FUT8: variants seen among roughly 807,000 people sequenced by gnomAD.
FUT8 encodes the protein alpha-(1,6)-fucosyltransferase.
In FUT8, 29 loss-of-function variants were observed where a neutral mutation model predicts 71.3. The ratio of observed to expected loss-of-function variants is 0.41; its 90% CI spans 0.30 to 0.55. The LOEUF is 0.55. Ranked by LOEUF, FUT8 falls within the 20% of genes least tolerant of loss-of-function variation. The pLI is 0.34. For synonymous variants in FUT8, 254 were observed against 239.3 expected (o/e 1.06, Z -0.57); for missense variants, 544 against 702.1 (o/e 0.77, Z 2.55).
intron 6 of FUT8, among the ~76,000 whole-genome samples, chr14:65,644,440 A>G (rs1017518798): frequency 2.0e-5 from 3 of 151,880 alleles, no homozygotes; most frequent in African/African-American, 7.2e-5. Flanking sequence ...ACAGGCGCCC[A>G]CCACCGCCTC....
chr14:65,535,219 C>T (rs1002268975), intron 2 of FUT8, among the ~76,000 whole-genome samples: 11 of 151,974 alleles, frequency 7.2e-5, no homozygotes, highest in African/African-American at 9.7e-5. Flanking sequence ...CATGCCTCAG[C>T]GTCATGAGTA....
At chr14:65,465,119 T>C (rs2066023841) in intron 2 of FUT8, among the ~76,000 whole-genome samples, 2 of 152,216 alleles carry the variant, frequency 1.3e-5, no homozygotes, top group African/African-American at 2.4e-5. Context: ...TAGAACCAGC[T>C]TTGAGTCTTG....
At chr14:65,362,356 C>G in the FUT8 span, among the ~76,000 whole-genome samples, 14 of 152,246 alleles carry the variant, frequency 9.2e-5, no homozygotes, top group East Asian at 2.1e-3. Flanking sequence ...AATTGATGAG[C>G]TGAGAATTAA....
chr14:65,417,241 GT>G (rs1468578184), intron 1 of FUT8, among the ~76,000 whole-genome samples: 2 of 152,092 alleles, frequency 1.3e-5, no homozygotes, highest in Non-Finnish European at 2.9e-5. Context: ...ATGCTTGGTT[GT>G]AAGATTTTTA....
intron 2 of FUT8, among the ~76,000 whole-genome samples, chr14:65,487,458 G>A (rs2066424907): frequency 1.3e-5 from 2 of 151,530 alleles, no homozygotes; most frequent in Non-Finnish European, 2.9e-5. Flanking sequence ...AGCTACTCGG[G>A]AGGCTGAGGC....
At chr14:65,431,494 G>GC (rs2065474528) in intron 1 of FUT8, among the ~76,000 whole-genome samples, 1 of 151,162 alleles carries the variant, frequency 6.6e-6, no homozygotes, top group African/African-American at 2.4e-5. Flanking sequence ...TATTTTTTTT[G>GC]TAGAGGCTGG....
At chr14:65,481,833 A>G (rs1364883715) in intron 2 of FUT8, among the ~76,000 whole-genome samples, 1 of 151,952 alleles carries the variant, frequency 6.6e-6, no homozygotes, top group Non-Finnish European at 1.5e-5. Context: ...TTGTTTTCTT[A>G]TTATTGAGTT....
the FUT8 span, among the ~76,000 whole-genome samples, chr14:65,383,203 G>A: frequency 6.7e-6 from 1 of 150,302 alleles, no homozygotes; most frequent in East Asian, 1.9e-4. Flanking sequence ...GATCTTTCTG[G>A]AACACAGTTC....
intron 1 of FUT8, among the ~76,000 whole-genome samples, chr14:65,443,537 T>G (rs1005532384): frequency 4.0e-5 from 6 of 151,458 alleles, no homozygotes; most frequent in African/African-American, 1.5e-4. Context: ...CTGGGCAACA[T>G]AGCAAGATCC....
intron 1 of FUT8, among the ~76,000 whole-genome samples, chr14:65,445,928 AG>A (rs1219599495): frequency 6.6e-6 from 1 of 152,248 alleles, no homozygotes; most frequent in Non-Finnish European, 1.5e-5. Context: ...GTGCCCAGCT[AG>A]AAAACCTTTC....
intron 7 of FUT8, among the ~76,000 whole-genome samples, chr14:65,710,806 T>C (rs1433239826): frequency 1.3e-5 from 2 of 152,206 alleles, no homozygotes; most frequent in African/African-American, 4.8e-5. Context: ...AAAAGATTTA[T>C]TTGGCTCATG....
chr14:65,712,399 C>A (rs1425850195), intron 7 of FUT8, among the ~76,000 whole-genome samples: 1 of 152,162 alleles, frequency 6.6e-6, no homozygotes, highest in African/African-American at 2.4e-5. Context: ...AATACACATT[C>A]TATTATCATA....
intron 2 of FUT8, among the ~76,000 whole-genome samples, chr14:65,464,778 T>C (rs763276799): frequency 4.6e-5 from 7 of 152,294 alleles, no homozygotes; most frequent in South Asian, 2.1e-4. Flanking sequence ...ATGAAAGATA[T>C]TGTTCTGTAA....
At chr14:65,445,412 C>G (rs945591621) in intron 1 of FUT8, among the ~76,000 whole-genome samples, 1 of 152,128 alleles carries the variant, frequency 6.6e-6, no homozygotes, top group East Asian at 1.9e-4. Context: ...AAATTACCCT[C>G]TCTCAGGTAT....
At chr14:65,707,358 T>C (rs1188400143) in intron 7 of FUT8, among the ~76,000 whole-genome samples, 1 of 152,230 alleles carries the variant, frequency 6.6e-6, no homozygotes, top group Admixed American at 6.5e-5. Flanking sequence ...TTATTTGCTT[T>C]CTTGCTATTG....
upstream of FUT8, chr14:65,411,956 T>A (rs989073905): frequency 1.8e-5 from 8 of 451,890 alleles, no homozygotes; most frequent in Non-Finnish European, 3.1e-5. Context: ...TCCACTGCTC[T>A]GCATCGCGGG....
chr14:65,722,021 G>A lies in FUT8; in HGVS notation c.1082G>A (p.Gly361Glu). 1.2e-6 allele frequency: 2 copies of A among 1,613,338 alleles called. No individual in the cohort carries two copies. Among genetic ancestry groups the A allele is most frequent in the Non-Finnish European group, 1.7e-6 (2 of 1,179,886 alleles). The change falls in exon 8 of 11, where the codon GGA (glycine) becomes GAA (glutamate). Residue 361 changes from glycine to glutamate, a missense_variant and splice_region_variant. Gly to Glu is a moderately conservative substitution (Grantham distance 98, BLOSUM62 -2). Coordinates refer to ENST00000673929, the MANE Select transcript of FUT8 (RefSeq NM_001371533.1). ...KKLGFKHPVI[G>E]VHVRRTDKVG... The stretch of plus-strand genomic sequence containing the variant: ...CTTGGCTTCAAACATCCAGTTATTG[G>A]GTAAGAATCTGATTTTTTCCCTCAA...
At chr14:65,531,723 C>T (rs1372935596) in intron 2 of FUT8, among the ~76,000 whole-genome samples, 2 of 152,224 alleles carry the variant, frequency 1.3e-5, no homozygotes, top group African/African-American at 4.8e-5. Flanking sequence ...CACCCAGGTA[C>T]TAAGCCTAGT....
rs75242134 is a variant in FUT8, at chr14:65,633,991, C to T, written c.597+4385C>T. On this transcript the variant is annotated intron_variant, in intron 6 of 10. Transcript: ENST00000673929. ...GCCGCCCCATCCGGGAGGTGAGGGG[C>T]GCCTCTGCCCGGCCACCGCTACTGG... Among the ~76,000 whole-genome samples the T allele has an allele frequency of 1.3e-4, 20 of 152,084 alleles. 1 individual carries two copies. The East Asian group carries it at 3.7e-3, about 28-fold the overall frequency.
Sources: gnomAD v4.1 joint callset for allele counts (sites outside exome capture counted in the v4.1 genomes callset) on GRCh38, gnomAD v4.1.1 for gene constraint, MANE v1.5 for transcripts, NCBI Gene and HGNC (gene_info 2026-07-23, HGNC 2026-07-21) for gene names.